The following AGRN variants were observed in gnomAD, a reference collection of about 807,000 sequenced individuals.
AGRN encodes the protein agrin.
In AGRN, 106 loss-of-function variants were observed where a neutral mutation model predicts 211.0. The ratio of observed to expected loss-of-function variants is 0.50; its 90% CI spans 0.43 to 0.59. AGRN has a LOEUF of 0.59. Ranked by LOEUF, AGRN falls within the 20% of genes least tolerant of loss-of-function variation. The probability of loss-of-function intolerance (pLI) is 0.00; values close to 1 mark genes in which losing one functional copy is unlikely to be tolerated. For missense variants in AGRN, 3,040 were observed against 2,982.6 expected (o/e 1.02, Z -0.45); for synonymous variants, 1,525 against 1,332.5 (o/e 1.14, Z -3.15).
chr1:1,051,177 G>C, intron 30 of AGRN, 76 bp from the exon 31 acceptor site: 1 of 1,082,358 alleles, frequency 9.2e-7, no homozygotes, highest in Non-Finnish European at 1.4e-6. Context: ...GGTGGGGCGG[G>C]TGCGTGCAGG....
intron 2 of AGRN, chr1:1,034,754 C>T (rs1570170500): frequency 3.9e-6 from 4 of 1,014,042 alleles, no homozygotes; most frequent in Non-Finnish European, 4.8e-6. Context: ...AACCCCGAGG[C>T]CCCTGCACAT....
rs1009125920 is a variant in AGRN at position 1,045,121 on chromosome 1, A to G, written c.2255-40A>G. Reference sequence around the variant, plus strand: ...CTGGCTGGGTCCAGGGTGGGTGTCCAGCACTGCATGAAATCTGAGTCCCGT... The same window carrying G: ...CTGGCTGGGTCCAGGGTGGGTGTCCGGCACTGCATGAAATCTGAGTCCCGT... On this transcript the variant is annotated intron_variant, in intron 12 of 35. Coordinates refer to ENST00000379370, the MANE Select transcript of AGRN (RefSeq NM_198576.4). 5.0e-6 allele frequency: 8 copies of G among 1,599,088 alleles called. No individual in the cohort carries two copies. In the South Asian group the frequency reaches 8.8e-5, roughly 18 times the overall value.
rs754752052 is a variant in AGRN, at chr1:1,046,698, G to A, written c.3213G>A (p.Leu1071=). ...CTGATGGAAGCAGCGATGAGGAACT[G>A]AGCGGGGACCAGGAGGCCAGTGGGG... ...GSTDGSSDEE[L]SGDQEASGGG... The change falls in exon 18 of 36, where the codon CTG becomes CTA. Residue 1071 remains leucine, a synonymous_variant. Transcript: ENST00000379370. The A allele has an allele frequency of 3.1e-5, 49 of 1,583,660 alleles. No homozygotes were observed. In the South Asian group the frequency reaches 5.3e-4, roughly 17 times the overall value.
chr1:1,021,882 C>A (rs549237953), intron 1 of AGRN, among the ~76,000 whole-genome samples: 1 of 152,228 alleles, frequency 6.6e-6, no homozygotes, highest in African/African-American at 2.4e-5. Flanking sequence ...AGGCAGGCAC[C>A]CCAAGCCAGG....
intron 14 of AGRN, 83 bp downstream of exon 14, chr1:1,045,606 C>T (rs1645069078): frequency 6.2e-7 from 1 of 1,604,410 alleles, no homozygotes; most frequent in African/African-American, 1.3e-5. Flanking sequence ...CTCACCTGCC[C>T]AGGCCCTGGC....
In AGRN at chr1:1,049,860, G is replaced by A. The variant is rs762507984; in HGVS notation, c.4745-43G>A. 94 of 1,611,310 alleles carry A rather than the reference G, an allele frequency of 5.8e-5. No individual in the cohort carries two copies. The Admixed American group carries it at 6.0e-4, about 10-fold the overall frequency. On this transcript the variant is annotated intron_variant, in intron 26 of 35. Transcript: ENST00000379370. ...GGCCTGTGGGCGGTACCCAACCGACGCCTCCTGGGACCTCGGTCCCGGTCC... is the reference window on the plus strand; with the variant it reads ...GGCCTGTGGGCGGTACCCAACCGACACCTCCTGGGACCTCGGTCCCGGTCC...
At chr1:1,038,313 G>T (rs768879607) in intron 3 of AGRN, among the ~76,000 whole-genome samples, 1 of 152,172 alleles carries the variant, frequency 6.6e-6, no homozygotes, top group African/African-American at 2.4e-5. Flanking sequence ...TGGCTTCAAG[G>T]TCCCGCCAGG....
At chr1:1,049,526 T>G (rs767854163) in intron 25 of AGRN, 40 bp from the exon 26 acceptor site, 1 of 1,592,632 alleles carries the variant, frequency 6.3e-7, no homozygotes, top group Non-Finnish European at 8.5e-7. Context: ...GCTTTGCCTG[T>G]GGCCCCTGAG....
intron 2 of AGRN, among the ~76,000 whole-genome samples, chr1:1,029,350 T>C (rs936200836): frequency 5.3e-5 from 3 of 56,396 alleles, no homozygotes; most frequent in Non-Finnish European, 1.1e-4. Context: ...CACAAAGATA[T>C]GGGGGATGCC....
Position 1,042,179 on chromosome 1 carries a change from G to T in AGRN, c.1384+17G>T. 1 of 1,583,904 alleles carries T rather than the reference G, an allele frequency of 6.3e-7. No homozygotes were observed. The highest frequency in any genetic ancestry group is 8.6e-7 in the Non-Finnish European group (1 of 1,168,716). Reference sequence around the variant, plus strand: ...GCCCGTGTGGTGAGCGCCCCGGGGTGGAGGCCAGGCGGGGTGGGCTGCTCC... The same window carrying T: ...GCCCGTGTGGTGAGCGCCCCGGGGTTGAGGCCAGGCGGGGTGGGCTGCTCC... On this transcript the variant is annotated intron_variant, in intron 7 of 35. Transcript: ENST00000379370.
chr1:1,052,354 TGTG>T (rs1225879024), intron 33 of AGRN: 1 of 342,778 alleles, frequency 2.9e-6, no homozygotes, highest in African/African-American at 2.1e-5. Flanking sequence ...GATGTGCAAG[TGTG>T]TGTGAATATC....
At chr1:1,034,078 C>T in intron 2 of AGRN, 2 of 971,986 alleles carry the variant, frequency 2.1e-6, no homozygotes, top group Non-Finnish European at 2.4e-6. Context: ...GCTTTCTTCT[C>T]GCTCCCGACG....
Position 1,042,070 on chromosome 1 carries a change from A to G in AGRN, c.1292A>G (p.Gln431Arg), listed in dbSNP as rs1644959387. Residue 431 changes from glutamine to arginine, a missense_variant, in exon 7 of 36, where the codon CAG (glutamine) becomes CGG (arginine). Transcript: ENST00000379370. ...GGGGCCTACAGGCCCGTGTGTGCCCAGGACGGGCGCACGTATGACAGTGAT... is the reference window on the plus strand; with the variant it reads ...GGGGCCTACAGGCCCGTGTGTGCCCGGGACGGGCGCACGTATGACAGTGAT... Reference protein sequence around the residue: ...CDGAYRPVCAQDGRTYDSDCW... With the variant: ...CDGAYRPVCARDGRTYDSDCW... 1.2e-6 allele frequency: 2 copies of G among 1,606,738 alleles called. No homozygotes were observed. Among genetic ancestry groups the G allele is most frequent in the Non-Finnish European group, 8.5e-7 (1 of 1,179,382 alleles).
intron 1 of AGRN, among the ~76,000 whole-genome samples, chr1:1,021,448 C>T (rs549875910): frequency 1.2e-3 from 189 of 152,348 alleles, no homozygotes; most frequent in African/African-American, 4.1e-3. Flanking sequence ...GCAGGGGCTG[C>T]GCAGTGGACA....
At chr1:1,030,290 G>A (rs1644634052) in intron 2 of AGRN, among the ~76,000 whole-genome samples, 1 of 130,356 alleles carries the variant, frequency 7.7e-6, no homozygotes, top group Non-Finnish European at 1.6e-5. Context: ...ATGGTGCTGT[G>A]TGAGATCAGC....
intron 2 of AGRN, among the ~76,000 whole-genome samples, chr1:1,026,862 G>C (rs1323327317): frequency 3.9e-5 from 6 of 152,198 alleles, no homozygotes; most frequent in African/African-American, 1.4e-4. Context: ...AGGAGGCTCT[G>C]TACCCCTGCA....
At chr1:1,054,707 C>A (rs144626290) in intron 35 of AGRN, 117 bp from the exon 36 acceptor site, 2 of 1,489,812 alleles carry the variant, frequency 1.3e-6, no homozygotes, top group Non-Finnish European at 1.8e-6. Context: ...GTTCCCAGTG[C>A]TGTGGGGCCG....
intron 12 of AGRN, 136 bp from the exon 13 acceptor site, chr1:1,045,025 G>C: frequency 1.1e-6 from 1 of 909,948 alleles, no homozygotes; most frequent in Non-Finnish European, 1.8e-6. Flanking sequence ...CTCAGCCCCA[G>C]GCTCCCGGGC....
chr1:1,048,879 CT>C lies in AGRN; in HGVS notation c.4119del (p.Val1374CysfsTer53), dbSNP rs1557715791. The part of the protein sequence containing the change: ...GAVCEKVLGA[P>X]VPAFEGRSFL... Reference sequence around the variant, plus strand: ...TCGCCCTTTGCAGTGCTTGGCGCCCCTGTGCCGGCCTTCGAGGGCCGCTCCT... The same window carrying C: ...TCGCCCTTTGCAGTGCTTGGCGCCCCGTGCCGGCCTTCGAGGGCCGCTCCT... On this transcript the variant is annotated frameshift_variant, in exon 24 of 36. Transcript: ENST00000379370. LOFTEE classifies it high-confidence loss of function. The surrounding 1 kb of genome is among the most constrained non-coding windows in gnomAD (Gnocchi z 5.9). The C allele has an allele frequency of 6.5e-7, 1 of 1,539,866 alleles. No individual in the cohort carries two copies. The highest frequency in any genetic ancestry group is 8.8e-7 in the Non-Finnish European group (1 of 1,142,540).
Sources: gnomAD v4.1 joint callset for allele counts (sites outside exome capture counted in the v4.1 genomes callset) on GRCh38, gnomAD v4.1.1 for gene constraint, Gnocchi (gnomAD v3.1) non-coding constraint, MANE v1.5 for transcripts, NCBI Gene and HGNC (gene_info 2026-07-23, HGNC 2026-07-21) for gene names.